The following NPR3 variants were observed in gnomAD, a reference collection of about 807,000 sequenced individuals.
NPR3 encodes the protein atrial natriuretic peptide receptor 3.
In NPR3, 34 loss-of-function variants were observed where a neutral mutation model predicts 54.5. That is an observed-to-expected ratio of 0.62 (90% CI 0.47 to 0.83). NPR3 has a LOEUF of 0.83. Ranked by LOEUF, NPR3 falls within the 40% of genes least tolerant of loss-of-function variation. NPR3 has a pLI of 0.00. For synonymous variants in NPR3, 289 were observed against 297.1 expected (o/e 0.97, Z 0.28); for missense variants, 674 against 720.8 (o/e 0.94, Z 0.74).
At chr5:32,747,401 G>A (rs1740356421) in intron 3 of NPR3, among the ~76,000 whole-genome samples, 1 of 152,002 alleles carries the variant, frequency 6.6e-6, no homozygotes, top group African/African-American at 2.4e-5. Context: ...AAAATTCAGA[G>A]CTTTTATTAT....
At position 32,743,987 on chromosome 5, in the gene NPR3, A is replaced by ATCTTTT. The variant is rs1425701544; in HGVS notation, c.1059+4958_1059+4959insCTTTTT. Among the ~76,000 whole-genome samples, 631 of 113,726 alleles carry ATCTTTT rather than the reference A, an allele frequency of 5.5e-3. 41 individuals carry two copies. The highest frequency in any genetic ancestry group is 0.024 in the Middle Eastern group (4 of 170). 74.6% of individuals were successfully genotyped at this position (113,726 alleles called of 152,430 possible). On this transcript the variant is annotated intron_variant, in intron 3 of 7. Coordinates refer to ENST00000265074, the MANE Select transcript of NPR3 (RefSeq NM_001204375.2). Reference sequence around the variant, plus strand: ...GGGGAAATCTATTCCATTCTGATGCATTTTTTTTTTTTTTTTTTTTTTTTG... The same window carrying ATCTTTT: ...GGGGAAATCTATTCCATTCTGATGCATCTTTTTTTTTTTTTTTTTTTTTTTTTTTTG...
chr5:32,786,460 T>C lies in NPR3; in HGVS notation c.*115T>C, dbSNP rs1742637827. On this transcript the variant is annotated 3_prime_UTR_variant, in exon 8 of 8. Transcript: ENST00000265074. ...TTGAAGAATTCATAATTTTAAGCAG[T>C]TAGTAATTTCATTTTAAAATTTCTG... 2 of 648,508 alleles carry C rather than the reference T, an allele frequency of 3.1e-6. No homozygotes were observed. Among genetic ancestry groups the C allele is most frequent in the Non-Finnish European group, 5.5e-6 (2 of 362,698 alleles). 40.2% of individuals were successfully genotyped at this position (648,508 alleles called of 1,614,324 possible). A position where few individuals can be genotyped will look rare whatever the true frequency, so the allele number is the denominator to read the frequency against.
Position 32,714,844 on chromosome 5 carries a change from A to G in NPR3, c.769+2299A>G, listed in dbSNP as rs1385199313. Among the ~76,000 whole-genome samples, 4 of 152,162 alleles carry G rather than the reference A, an allele frequency of 2.6e-5. No individual in the cohort carries two copies. In the East Asian group the frequency reaches 7.7e-4, roughly 29 times the overall value. ...GTATTAAATAGGGCTTCGGTACATGATTGCAGTGAAGTTTCTGGCTCAGTC... is the reference window on the plus strand; with the variant it reads ...GTATTAAATAGGGCTTCGGTACATGGTTGCAGTGAAGTTTCTGGCTCAGTC... On this transcript the variant is annotated intron_variant, in intron 1 of 7. Transcript: ENST00000265074.
chr5:32,737,496 C>G (rs1739811060), intron 2 of NPR3, among the ~76,000 whole-genome samples: 1 of 152,194 alleles, frequency 6.6e-6, no homozygotes, highest in Admixed American at 6.5e-5. Context: ...CAGAGACATT[C>G]TCACTGCTTA....
chr5:32,754,270 G>A (rs542082390), intron 3 of NPR3, among the ~76,000 whole-genome samples: 1 of 152,286 alleles, frequency 6.6e-6, no homozygotes, highest in East Asian at 1.9e-4. Flanking sequence ...CACCTCGTGT[G>A]CCAGAGACTT....
intron 3 of NPR3, among the ~76,000 whole-genome samples, chr5:32,762,767 C>G (rs527535875): frequency 6.6e-6 from 1 of 152,092 alleles, no homozygotes; most frequent in Non-Finnish European, 1.5e-5. Context: ...AAATTTTTCT[C>G]CCATTCTGTA....
intron 3 of NPR3, among the ~76,000 whole-genome samples, chr5:32,756,804 T>A (rs552648002): frequency 6.6e-6 from 1 of 152,198 alleles, no homozygotes; most frequent in Admixed American, 6.5e-5. Flanking sequence ...AGTGATCCAG[T>A]TTCAGCTTTC....
In NPR3 at chr5:32,711,627, G is replaced by A. The variant is rs1738236138; in HGVS notation, c.-150G>A. The A allele has an allele frequency of 2.4e-6, 3 of 1,254,908 alleles. No individual in the cohort carries two copies. Among genetic ancestry groups the A allele is most frequent in the Non-Finnish European group, 3.0e-6 (3 of 1,003,898 alleles). The allele number at this position is 1,254,908 out of a possible 1,614,324, so 77.7% of individuals were successfully genotyped here. A position where few individuals can be genotyped will look rare whatever the true frequency, so the allele number is the denominator to read the frequency against. ...AAGGACGCTTCCTCTCTATCTTTTG[G>A]CGCATTAGTGAAGGGGGTATTCTAT... On this transcript the variant is annotated 5_prime_UTR_variant, in exon 1 of 8. Transcript: ENST00000265074.
chr5:32,738,493 A>G (rs1739869290), intron 2 of NPR3, among the ~76,000 whole-genome samples: 4 of 152,152 alleles, frequency 2.6e-5, no homozygotes, highest in Admixed American at 1.3e-4. Context: ...ATTCACCTCC[A>G]CAGTTGATTG....
chr5:32,789,626 C>T lies in NPR3; in HGVS notation c.*3281C>T, dbSNP rs1181088372. The T allele has an allele frequency of 3.7e-6, 2 of 534,650 alleles. No homozygotes were observed. The highest frequency in any genetic ancestry group is 1.9e-5 in the African/African-American group (1 of 51,950). 33.1% of individuals were successfully genotyped at this position (534,650 alleles called of 1,614,324 possible). Reference sequence around the variant, plus strand: ...GAATGCCCTCACTTCTCCCTATTCACAGGCTTCTAAAATCATTAATTTACT... The same window carrying T: ...GAATGCCCTCACTTCTCCCTATTCATAGGCTTCTAAAATCATTAATTTACT... On this transcript the variant is annotated 3_prime_UTR_variant, in exon 8 of 8. Transcript: ENST00000265074.
chr5:32,744,374 A>G (rs1027929827), intron 3 of NPR3, among the ~76,000 whole-genome samples: 2 of 152,188 alleles, frequency 1.3e-5, no homozygotes, highest in Non-Finnish European at 2.9e-5. Flanking sequence ...GGGATTTCAT[A>G]GACCTGGCTG....
chr5:32,712,139 G>T lies in NPR3; in HGVS notation c.363G>T (p.Ala121=), dbSNP rs1433063890. Residue 121 remains alanine (A), a synonymous_variant, in exon 1 of 8, where the codon GCG becomes GCT. Coordinates refer to ENST00000265074, the MANE Select transcript of NPR3 (RefSeq NM_001204375.2). ...RALFSLVDRV[A]AARGAKPDLI... is the part of the protein sequence containing the mutation. ...TCTTCAGCTTGGTGGACCGCGTGGC[G>T]GCGGCGCGGGGCGCCAAGCCAGACC... is the stretch of plus-strand genomic sequence containing the variant. The T allele has an allele frequency of 6.2e-7, 1 of 1,613,446 alleles. No individual in the cohort carries two copies. Among genetic ancestry groups the T allele is most frequent in the Non-Finnish European group, 8.5e-7 (1 of 1,179,782 alleles).
intron 2 of NPR3, among the ~76,000 whole-genome samples, chr5:32,737,744 A>T (rs932219256): frequency 1.4e-4 from 21 of 152,264 alleles, no homozygotes; most frequent in African/African-American, 5.1e-4. Flanking sequence ...AATTATTCTT[A>T]TTCATGTAAT....
chr5:32,761,291 T>C (rs1046519194), intron 3 of NPR3, among the ~76,000 whole-genome samples: 16 of 152,184 alleles, frequency 1.1e-4, no homozygotes, highest in African/African-American at 3.9e-4. Context: ...ATCTTAAATA[T>C]ACTGAGTCTT....
intron 4 of NPR3, among the ~76,000 whole-genome samples, chr5:32,775,748 C>A (rs1329064713): frequency 1.3e-5 from 2 of 152,078 alleles, no homozygotes; most frequent in Admixed American, 6.5e-5. Flanking sequence ...CAAGCGTGTG[C>A]CATCACGCCT....
intron 2 of NPR3, among the ~76,000 whole-genome samples, chr5:32,726,231 C>A (rs1003629556): frequency 1.3e-5 from 2 of 152,180 alleles, no homozygotes; most frequent in Admixed American, 1.3e-4. Flanking sequence ...ACATACTCCC[C>A]GGTTTCCTGC....
intron 3 of NPR3, among the ~76,000 whole-genome samples, chr5:32,739,395 G>A (rs919425369): frequency 6.6e-6 from 1 of 152,044 alleles, no homozygotes; most frequent in African/African-American, 2.4e-5. Context: ...AGGATGAAGG[G>A]GTGCCAAAGA....
At chr5:32,782,528 AG>A (rs1742391388) in intron 5 of NPR3, among the ~76,000 whole-genome samples, 1 of 152,176 alleles carries the variant, frequency 6.6e-6, no homozygotes, top group African/African-American at 2.4e-5. Context: ...CAGCACTGAC[AG>A]GGCTGGGCCT....
chr5:32,741,809 G>C (rs1450971761), intron 3 of NPR3, among the ~76,000 whole-genome samples: 3 of 150,388 alleles, frequency 2.0e-5, no homozygotes, highest in African/African-American at 7.4e-5. Context: ...GTGTTGCTCT[G>C]GCTGCTCCTG....
Sources: allele counts gnomAD v4.1 joint callset (sites outside exome capture counted in the v4.1 genomes callset), GRCh38; gene constraint gnomAD v4.1.1; transcripts MANE v1.5; gene names NCBI Gene and HGNC (gene_info 2026-07-23, HGNC 2026-07-21).